FAM217A: variants seen among roughly 807,000 people sequenced by gnomAD.
FAM217A encodes the protein protein FAM217A.
Under a neutral mutation model 18.5 loss-of-function variants are expected in FAM217A, and 13 were observed. That is an observed-to-expected ratio of 0.70 (90% CI 0.46 to 1.12). The LOEUF is 1.12. Among genes scored for constraint, FAM217A ranks in the 50% most tolerant of loss-of-function variants. The pLI, the probability that FAM217A is intolerant of heterozygous loss-of-function variation, is 0.00. For synonymous variants in FAM217A, 161 were observed against 202.8 expected (o/e 0.79, Z 1.75); for missense variants, 560 against 575.4 (o/e 0.97, Z 0.27).
chr6:4,083,633 CCT>C (rs1770452788), upstream of FAM217A, among the ~76,000 whole-genome samples: 1 of 150,114 alleles, frequency 6.7e-6, no homozygotes. Context: ...CTCACTGCAA[CCT>C]CTGTCTCCCA....
chr6:4,081,726 A>G (rs1388550169), upstream of FAM217A, among the ~76,000 whole-genome samples: 5 of 152,376 alleles, frequency 3.3e-5, no homozygotes, highest in East Asian at 7.7e-4. Flanking sequence ...GGGTACATGT[A>G]TTTCCAGCTA....
Position 4,074,676 on chromosome 6 carries a change from G to C in FAM217A, c.61-15C>G. On this transcript the variant is annotated splice_polypyrimidine_tract_variant and intron_variant, in intron 2 of 6. Coordinates refer to ENST00000274673, the MANE Select transcript of FAM217A (RefSeq NM_173563.3). ...TGAGATAAGTTCTAAAACAATATTT[G>C]TTTTAGGATAAACTTAACATTAAGA... 6.4e-7 allele frequency: 1 copy of C among 1,554,696 alleles called. No individual in the cohort carries two copies. The highest frequency in any genetic ancestry group is 8.9e-7 in the Non-Finnish European group (1 of 1,128,096).
rs371366203 is a variant in FAM217A, at chr6:4,069,026, A to G, written c.1197T>C (p.Tyr399=). 16 of 1,613,772 alleles carry G rather than the reference A, an allele frequency of 9.9e-6. No individual in the cohort carries two copies. The highest frequency in any genetic ancestry group is 2.2e-5 in the East Asian group (1 of 44,890). The change falls in exon 7 of 7, where the codon TAT becomes TAC. Residue 399 remains tyrosine, a synonymous_variant. Coordinates refer to ENST00000274673, the MANE Select transcript of FAM217A (RefSeq NM_173563.3). ...SSTPKQLIET[Y]DKNPKSSILS... is the part of the protein sequence containing the mutation. ...AAATAGAACTTTTGGGATTCTTATCATAAGTTTCAATCAATTGTTTTGGGG... is the reference window on the plus strand; with the variant it reads ...AAATAGAACTTTTGGGATTCTTATCGTAAGTTTCAATCAATTGTTTTGGGG...
upstream of FAM217A, among the ~76,000 whole-genome samples, chr6:4,079,848 G>T (rs970590619): frequency 1.3e-5 from 2 of 152,158 alleles, no homozygotes; most frequent in African/African-American, 2.4e-5. Context: ...AAAAACAAAA[G>T]ATGATTTTTT....
chr6:4,073,192 T>A, intron 6 of FAM217A, 83 bp downstream of exon 6: 1 of 1,064,876 alleles, frequency 9.4e-7, no homozygotes, highest in African/African-American at 1.6e-5. Flanking sequence ...TTGTTCATGG[T>A]CCTTGTATTT....
Position 4,078,854 on chromosome 6 carries a change from C to G in FAM217A, c.-37G>C. The G allele has an allele frequency of 2.1e-6, 1 of 469,904 alleles. No homozygotes were observed. Among genetic ancestry groups the G allele is most frequent in the South Asian group, 3.4e-5 (1 of 29,094 alleles). The allele number at this position is 469,904 out of a possible 1,614,324, so 29.1% of individuals were successfully genotyped here. Reference sequence around the variant, plus strand: ...CGGGGCCGGGGCTCTCAACCCACCGCGCGAAGGCCCACGTGTCCTCCCCGG... The same window carrying G: ...CGGGGCCGGGGCTCTCAACCCACCGGGCGAAGGCCCACGTGTCCTCCCCGG... On this transcript the variant is annotated splice_region_variant and 5_prime_UTR_variant, in exon 1 of 7. Coordinates refer to ENST00000274673, the MANE Select transcript of FAM217A (RefSeq NM_173563.3).
upstream of FAM217A, among the ~76,000 whole-genome samples, chr6:4,080,736 T>A (rs1359932837): frequency 1.3e-5 from 2 of 152,222 alleles, no homozygotes. Flanking sequence ...TCGGACATTT[T>A]ACAATTTTCC....
chr6:4,074,560 C>G lies in FAM217A; in HGVS notation c.145+17G>C. The G allele has an allele frequency of 6.2e-7, 1 of 1,601,604 alleles. No homozygotes were observed. Among genetic ancestry groups the G allele is most frequent in the African/African-American group, 1.3e-5 (1 of 74,658 alleles). Reference sequence around the variant, plus strand: ...GTGATTCTTTCAGTATAAGTATACACATCTAGGATTTCTTACCACCTGCTG... The same window carrying G: ...GTGATTCTTTCAGTATAAGTATACAGATCTAGGATTTCTTACCACCTGCTG... On this transcript the variant is annotated intron_variant, in intron 3 of 6. Coordinates refer to ENST00000274673, the MANE Select transcript of FAM217A (RefSeq NM_173563.3).
chr6:4,081,104 C>T (rs1561930972), upstream of FAM217A, among the ~76,000 whole-genome samples: 1 of 152,104 alleles, frequency 6.6e-6, no homozygotes, highest in African/African-American at 2.4e-5. Flanking sequence ...CTGGCATGTA[C>T]TGTAGTAGGT....
At chr6:4,071,884 A>G (rs1258840811) in intron 6 of FAM217A, among the ~76,000 whole-genome samples, 1 of 152,142 alleles carries the variant, frequency 6.6e-6, no homozygotes, top group Non-Finnish European at 1.5e-5. Context: ...AAACTACACA[A>G]AAGAGCCATG....
chr6:4,077,386 T>G lies in FAM217A; in HGVS notation c.29A>C (p.Asn10Thr). The G allele has an allele frequency of 6.2e-7, 1 of 1,614,214 alleles. No homozygotes were observed. The highest frequency in any genetic ancestry group is 8.5e-7 in the Non-Finnish European group (1 of 1,180,028). The change falls in exon 2 of 7, where the codon AAC (asparagine) becomes ACC (threonine). Residue 10 changes from asparagine to threonine, a missense_variant. Transcript: ENST00000274673. The stretch of plus-strand genomic sequence containing the variant: ...AGAGATGTTTGACACACGTAGGCTG[T>G]TAGCACAGTTCTCATTTCTTCTCCC... MGRRNENCA[N>T]SLRVSNISQE...
At chr6:4,077,600 C>T (rs892487639) in intron 1 of FAM217A, among the ~76,000 whole-genome samples, 152 bp from the exon 2 acceptor site, 1 of 152,010 alleles carries the variant, frequency 6.6e-6, no homozygotes, top group Non-Finnish European at 1.5e-5. Context: ...GGTGACAGTA[C>T]GAAACCAACC....
At chr6:4,081,112 G>T (rs1015805843), upstream of FAM217A, among the ~76,000 whole-genome samples, 1 of 152,064 alleles carries the variant, frequency 6.6e-6, no homozygotes, top group Non-Finnish European at 1.5e-5. Context: ...TACTGTAGTA[G>T]GTAAGGCACT....
chr6:4,078,047 C>A (rs532762420), intron 1 of FAM217A, among the ~76,000 whole-genome samples: 1 of 137,396 alleles, frequency 7.3e-6, no homozygotes, highest in Non-Finnish European at 1.5e-5. Context: ...TGGAAAGAAT[C>A]ACTTTTTTTT....
At chr6:4,082,986 A>G (rs538996899), upstream of FAM217A, among the ~76,000 whole-genome samples, 13 of 152,190 alleles carry the variant, frequency 8.5e-5, no homozygotes, top group Middle Eastern at 3.4e-3. Flanking sequence ...TGGCCCCTAC[A>G]CCTCCAGCCA....
chr6:4,079,358 G>C (rs588158), upstream of FAM217A: 69,898 of 228,758 alleles, frequency 0.31, 12,014 homozygotes, highest in African/African-American at 0.51. Flanking sequence ...GGCCTCCCCC[G>C]CGGGGCTGCG....
intron 1 of FAM217A, among the ~76,000 whole-genome samples, chr6:4,078,214 CA>C (rs1455476577): frequency 4.6e-5 from 7 of 151,946 alleles, no homozygotes; most frequent in Admixed American, 2.0e-4. Flanking sequence ...CCACTACGCC[CA>C]GCTAATTTTT....
At chr6:4,084,375 G>A (rs180950221) in intron 2 of FAM217A, among the ~76,000 whole-genome samples, 1 of 152,276 alleles carries the variant, frequency 6.6e-6, no homozygotes, top group Admixed American at 6.5e-5. Context: ...TCACATCTGC[G>A]TATGTTGCAG....
intron 1 of FAM217A, among the ~76,000 whole-genome samples, chr6:4,086,481 C>CTA (rs990554432): frequency 2.6e-4 from 39 of 147,174 alleles, no homozygotes; most frequent in African/African-American, 9.7e-4. Flanking sequence ...ATCCATCTAT[C>CTA]TATATATATG....
Sources: allele counts gnomAD v4.1 joint callset (sites outside exome capture counted in the v4.1 genomes callset), GRCh38; gene constraint gnomAD v4.1.1; transcripts MANE v1.5; gene names NCBI Gene and HGNC (gene_info 2026-07-23, HGNC 2026-07-21).